The following RAPGEF4 variants were observed in gnomAD, a reference collection of about 807,000 sequenced individuals.
The protein encoded by RAPGEF4 is Rap guanine nucleotide exchange factor 4.
A neutral mutation model predicts 147.9 loss-of-function variants in RAPGEF4; 66 were observed. The ratio of observed to expected loss-of-function variants is 0.45; its 90% CI spans 0.37 to 0.55. The LOEUF is 0.55. RAPGEF4 is among the 20% of genes least tolerant of loss of function. The probability of loss-of-function intolerance (pLI) is 0.00; values close to 1 mark genes in which losing one functional copy is unlikely to be tolerated. For synonymous variants in RAPGEF4, 419 were observed against 442.7 expected (o/e 0.95, Z 0.67); for missense variants, 1,071 against 1,257.3 (o/e 0.85, Z 2.24).
chr2:172,880,306 G>A (rs761808872), intron 4 of RAPGEF4, among the ~76,000 whole-genome samples: 5 of 152,226 alleles, frequency 3.3e-5, no homozygotes, highest in Non-Finnish European at 5.9e-5. Flanking sequence ...TATAAAATGT[G>A]CTTCTCTAGG....
intron 12 of RAPGEF4, among the ~76,000 whole-genome samples, chr2:172,986,087 A>G (rs968439149): frequency 3.9e-5 from 6 of 152,242 alleles, no homozygotes; most frequent in Admixed American, 6.5e-5. Context: ...AGATGTGAAC[A>G]ATATTATATA....
intron 6 of RAPGEF4, among the ~76,000 whole-genome samples, chr2:172,946,758 A>T (rs1687717288): frequency 6.6e-6 from 1 of 152,194 alleles, no homozygotes; most frequent in Non-Finnish European, 1.5e-5. Context: ...ACTTGTGTAT[A>T]TGTAAAACGG....
At chr2:172,783,221 G>A (rs531584169) in intron 1 of RAPGEF4, among the ~76,000 whole-genome samples, 3 of 152,152 alleles carry the variant, frequency 2.0e-5, no homozygotes, top group Non-Finnish European at 2.9e-5. Flanking sequence ...ATCGGCCGAG[G>A]ACAGAGTGAG....
At chr2:172,749,460 G>A (rs1369325744) in intron 1 of RAPGEF4, among the ~76,000 whole-genome samples, 2 of 152,172 alleles carry the variant, frequency 1.3e-5, no homozygotes, top group East Asian at 1.9e-4. Flanking sequence ...GCTGTACCTC[G>A]GCCCCTTTTA....
chr2:172,749,525 C>T (rs1192347137), intron 1 of RAPGEF4, among the ~76,000 whole-genome samples: 4 of 152,192 alleles, frequency 2.6e-5, no homozygotes, highest in East Asian at 1.9e-4. Context: ...GTCCCTAGGC[C>T]GCACACAGCA....
At chr2:172,790,910 T>C (rs1304295056) in intron 1 of RAPGEF4, among the ~76,000 whole-genome samples, 1 of 152,178 alleles carries the variant, frequency 6.6e-6, no homozygotes, top group African/African-American at 2.4e-5. Flanking sequence ...TACTGGAGAC[T>C]GGGTAATTCA....
intron 1 of RAPGEF4, among the ~76,000 whole-genome samples, chr2:172,777,586 C>A (rs574827922): frequency 6.6e-6 from 1 of 152,116 alleles, no homozygotes; most frequent in Non-Finnish European, 1.5e-5. Flanking sequence ...GAAGACCCCC[C>A]CCATGCTAAA....
Position 173,005,520 on chromosome 2 carries a change from G to GTTTTTTTTTTTTTTTT in RAPGEF4, c.1658+4182_1658+4197dup, listed in dbSNP as rs573596077. Among the ~76,000 whole-genome samples the GTTTTTTTTTTTTTTTT allele has an allele frequency of 7.7e-4, 67 of 86,716 alleles. 4 individuals carry two copies. Among genetic ancestry groups the GTTTTTTTTTTTTTTTT allele is most frequent in the South Asian group, 8.7e-4 (2 of 2,312 alleles). 56.9% of individuals were successfully genotyped at this position (86,716 alleles called of 152,430 possible). On this transcript the variant is annotated intron_variant, in intron 17 of 30. Transcript: ENST00000397081. ...TTTGTTGTTGTTGTTGTTGTTTTGTGTTTTTTTTTTTTTTTTTTTTTGAGA... is the reference window on the plus strand; with the variant it reads ...TTTGTTGTTGTTGTTGTTGTTTTGTGTTTTTTTTTTTTTTTTTTTTTTTTTTTTTTTTTTTTTGAGA...
intron 9 of RAPGEF4, among the ~76,000 whole-genome samples, chr2:172,966,527 T>G (rs906004915): frequency 1.3e-5 from 2 of 152,162 alleles, no homozygotes; most frequent in African/African-American, 4.8e-5. Flanking sequence ...CTGCTTGTCT[T>G]TACCTTTTGA....
chr2:172,779,242 A>G (rs1365970975), intron 1 of RAPGEF4, among the ~76,000 whole-genome samples: 1 of 152,242 alleles, frequency 6.6e-6, no homozygotes, highest in East Asian at 1.9e-4. Flanking sequence ...AATTATTACC[A>G]TAAATATTAT....
At chr2:172,965,725 T>C (rs375599467) in intron 9 of RAPGEF4, 42 bp downstream of exon 9, 120 of 1,611,806 alleles carry the variant, frequency 7.4e-5, no homozygotes, top group Non-Finnish European at 9.5e-5. Context: ...CAAGAAATGC[T>C]AAGTGCATTT....
Position 172,781,569 on chromosome 2 carries a change from A to G in RAPGEF4, c.66-13456A>G, listed in dbSNP as rs568723157. Among the ~76,000 whole-genome samples the G allele has an allele frequency of 2.0e-5, 3 of 152,262 alleles. No individual in the cohort carries two copies. In the South Asian group the frequency reaches 6.2e-4, roughly 32 times the overall value. ...ACAGGTATGAGCCACCATGCCAACA[A>G]CAGGACTTCTGATAAACATTCTTAA... On this transcript the variant is annotated intron_variant, in intron 1 of 30. Transcript: ENST00000397081.
chr2:172,867,557 G>A (rs1442787006), intron 4 of RAPGEF4, among the ~76,000 whole-genome samples: 1 of 152,182 alleles, frequency 6.6e-6, no homozygotes, highest in Non-Finnish European at 1.5e-5. Flanking sequence ...TATCTGAACA[G>A]ATTCCTTATC....
At chr2:172,826,475 G>T (rs1359944105) in intron 4 of RAPGEF4, among the ~76,000 whole-genome samples, 2 of 152,056 alleles carry the variant, frequency 1.3e-5, no homozygotes, top group African/African-American at 4.8e-5. Context: ...TTATAGAATT[G>T]CCAAATGCAA....
At chr2:173,023,817 A>G (rs1001673383) in intron 23 of RAPGEF4, among the ~76,000 whole-genome samples, 1 of 152,234 alleles carries the variant, frequency 6.6e-6, no homozygotes, top group Admixed American at 6.5e-5. Context: ...AATCCTGAGG[A>G]GAGAGCAAAC....
intron 25 of RAPGEF4, among the ~76,000 whole-genome samples, chr2:173,027,684 C>G (rs898228568): frequency 6.6e-6 from 1 of 152,216 alleles, no homozygotes; most frequent in Non-Finnish European, 1.5e-5. Context: ...CCAGCCCAGA[C>G]AGAATTAAAT....
intron 4 of RAPGEF4, chr2:172,822,104 C>A: frequency 2.7e-6 from 3 of 1,131,502 alleles, no homozygotes; most frequent in Non-Finnish European, 3.8e-6. Context: ...CCACCAGACC[C>A]AAATATGTAC....
At chr2:172,804,840 G>A (rs1687325288) in intron 3 of RAPGEF4, among the ~76,000 whole-genome samples, 1 of 152,208 alleles carries the variant, frequency 6.6e-6, no homozygotes, top group South Asian at 2.1e-4. Context: ...ATTTCGATGA[G>A]TGCTGATGTA....
intron 1 of RAPGEF4, among the ~76,000 whole-genome samples, chr2:172,760,145 C>T (rs964666155): frequency 6.6e-6 from 1 of 152,270 alleles, no homozygotes; most frequent in East Asian, 1.9e-4. Flanking sequence ...ACTATGCAAA[C>T]ACCACAGAAG....
Sources: gnomAD v4.1 joint callset for allele counts (sites outside exome capture counted in the v4.1 genomes callset) on GRCh38, gnomAD v4.1.1 for gene constraint, MANE v1.5 for transcripts, NCBI Gene and HGNC (gene_info 2026-07-23, HGNC 2026-07-21) for gene names.